Variants in NPAS2 observed in about 807,000 individuals in gnomAD.
The protein encoded by NPAS2 is neuronal PAS domain protein 2.
NPAS2 carries 23 observed loss-of-function variants against 107.5 expected under a neutral mutation model. The ratio of observed to expected loss-of-function variants is 0.21; its 90% confidence interval spans 0.15 to 0.30. NPAS2 has a LOEUF of 0.30. NPAS2 is among the 10% of genes least tolerant of loss of function. The pLI, the probability that NPAS2 is intolerant of heterozygous loss-of-function variation, is 1.00. For missense variants in NPAS2, 756 were observed against 1,043.3 expected, an observed-to-expected ratio of 0.72 and a Z score of 3.79; for synonymous variants, 403 against 417.5, an observed-to-expected ratio of 0.97 and a Z score of 0.42.
intron 5 of NPAS2, among the ~76,000 whole-genome samples, chr2:100,940,634 A>C (rs1221385319): frequency 1.3e-5 from 2 of 152,176 alleles, no homozygotes; most frequent in African/African-American, 4.8e-5. Flanking sequence ...CCTTATCCTT[A>C]TGGATCCTAT....
Position 100,976,198 on chromosome 2 carries a change from G to A in NPAS2, c.1392+631G>A, listed in dbSNP as rs563337044. Among the ~76,000 whole-genome samples, 3 of 151,888 alleles carry A rather than the reference G, an allele frequency of 2.0e-5. No individual in the cohort carries two copies. Among genetic ancestry groups the A allele is most frequent in the Non-Finnish European group, 2.9e-5 (2 of 67,998 alleles). On this transcript the variant is annotated intron_variant, in intron 14 of 20. Transcript: ENST00000335681. The surrounding 1 kb of genome is among the most constrained non-coding windows in gnomAD (Gnocchi z 4.1). The stretch of plus-strand genomic sequence containing the variant: ...TCTGCTCCTTGGTGTCGGGGATCTC[G>A]TGGGCCTAGGCTATGGAATGCACCC...
At chr2:100,951,683 G>A (rs1400208547) in intron 7 of NPAS2, among the ~76,000 whole-genome samples, 1 of 152,118 alleles carries the variant, frequency 6.6e-6, no homozygotes, top group Non-Finnish European at 1.5e-5. Flanking sequence ...GAGGGAGGGG[G>A]AAATGGGAGT....
At chr2:100,823,208 A>T (rs756993170) in intron 1 of NPAS2, among the ~76,000 whole-genome samples, 1 of 152,218 alleles carries the variant, frequency 6.6e-6, no homozygotes, top group African/African-American at 2.4e-5. Context: ...ATGATGATTA[A>T]TAGTATCTCA....
chr2:100,923,269 C>A (rs1159382688), intron 2 of NPAS2, among the ~76,000 whole-genome samples: 1 of 152,052 alleles, frequency 6.6e-6, no homozygotes, highest in Non-Finnish European at 1.5e-5. Context: ...CAGGAAAAGA[C>A]CCCTAGGTAA....
chr2:100,865,384 T>C (rs1679189021), intron 1 of NPAS2, among the ~76,000 whole-genome samples: 1 of 152,146 alleles, frequency 6.6e-6, no homozygotes, highest in African/African-American at 2.4e-5. Flanking sequence ...CCTGGACTCC[T>C]GTCTGCTTGT....
At chr2:100,927,797 TTAG>T (rs1332409849) in intron 3 of NPAS2, among the ~76,000 whole-genome samples, 5 of 152,206 alleles carry the variant, frequency 3.3e-5, no homozygotes, top group African/African-American at 9.6e-5. Flanking sequence ...CTTTTACCTG[TTAG>T]TGTGTGGTCA....
chr2:100,994,423 G>A (rs1678325323), intron 20 of NPAS2: 1 of 152,270 alleles, frequency 6.6e-6, no homozygotes, highest in African/African-American at 2.4e-5. Context: ...TGGCTTTGCA[G>A]ATCTTGTCAG....
In NPAS2 at chr2:100,937,839, A is replaced by G. The variant is rs748070919; in HGVS notation, c.360A>G (p.Leu120=). ...SDSITPLLGH[L]PSDVMDQNLL... is the part of the protein sequence containing the mutation. Reference sequence around the variant, plus strand: ...GTATCACGCCTCTCCTTGGGCATTTACCGGTGAGTTTCCACTCCAATGGCC... The same window carrying G: ...GTATCACGCCTCTCCTTGGGCATTTGCCGGTGAGTTTCCACTCCAATGGCC... Residue 120 remains leucine (L), a synonymous_variant, in exon 5 of 21, where the codon TTA becomes TTG. Transcript: ENST00000335681. The G allele has an allele frequency of 1.9e-6, 3 of 1,611,716 alleles. No individual in the cohort carries two copies. In the Admixed American group the frequency reaches 5.0e-5, roughly 27 times the overall value.
chr2:100,839,587 G>A (rs1450046264), intron 1 of NPAS2, among the ~76,000 whole-genome samples: 3 of 152,106 alleles, frequency 2.0e-5, no homozygotes. Context: ...TTAATTGACT[G>A]TTATCAGTAA....
chr2:100,987,804 G>T lies in NPAS2; in HGVS notation c.1630-275G>T, dbSNP rs1272388867. 3 of 488,762 alleles carry T rather than the reference G, an allele frequency of 6.1e-6. No individual in the cohort carries two copies. The South Asian group carries it at 8.3e-5, about 14-fold the overall frequency. 30.3% of individuals were successfully genotyped at this position (488,762 alleles called of 1,614,324 possible). A position where few individuals can be genotyped will look rare whatever the true frequency, so the allele number is the denominator to read the frequency against. ...ATCACATTATTTAGAGAACATCTGG[G>T]TCTAAACAGCTTTCACATTGTTAGG... On this transcript the variant is annotated intron_variant, in intron 16 of 20. Transcript: ENST00000335681.
intron 1 of NPAS2, among the ~76,000 whole-genome samples, chr2:100,838,309 C>T (rs1677188953): frequency 6.6e-6 from 1 of 151,572 alleles, no homozygotes; most frequent in Admixed American, 6.6e-5. Context: ...CAGAGTTTTG[C>T]TCTTGTTGCC....
chr2:100,863,729 A>C (rs1018988438), intron 1 of NPAS2, among the ~76,000 whole-genome samples: 4 of 152,168 alleles, frequency 2.6e-5, no homozygotes, highest in Non-Finnish European at 5.9e-5. Context: ...TTTTTTGTGC[A>C]AATATTTTAT....
intron 2 of NPAS2, among the ~76,000 whole-genome samples, chr2:100,913,162 T>C (rs980521779): frequency 3.3e-5 from 5 of 152,166 alleles, no homozygotes; most frequent in African/African-American, 1.2e-4. Flanking sequence ...CTCCTCACCA[T>C]AGAGACCCTC....
intron 7 of NPAS2, among the ~76,000 whole-genome samples, chr2:100,961,694 C>G (rs1675924368): frequency 1.3e-5 from 2 of 152,190 alleles, no homozygotes; most frequent in Non-Finnish European, 2.9e-5. Flanking sequence ...CTGCTGCCCT[C>G]GAAGAAGCAA....
rs545235258 is a variant in NPAS2 at position 100,920,479 on chromosome 2, C to T, written c.33-4667C>T. 9.2e-5 allele frequency among the ~76,000 whole-genome samples: 14 copies of T among 152,226 alleles called. No individual in the cohort carries two copies. In the East Asian group the frequency reaches 2.7e-3, roughly 30 times the overall value. On this transcript the variant is annotated intron_variant, in intron 2 of 20. Coordinates refer to ENST00000335681, the MANE Select transcript of NPAS2 (RefSeq NM_002518.4). ...CTTCCCTGGAGGTCTGTCTGTATTG[C>T]ATTTAATAACTGGATGTTTGAGTTC...
At chr2:100,966,291 G>T (rs931639753) in intron 10 of NPAS2, among the ~76,000 whole-genome samples, 1 of 152,052 alleles carries the variant, frequency 6.6e-6, no homozygotes, top group African/African-American at 2.4e-5. Context: ...ACAGCATACT[G>T]GGGGACTCAA....
intron 13 of NPAS2, 74 bp from the exon 14 acceptor site, chr2:100,975,384 T>C: frequency 2.2e-6 from 3 of 1,333,836 alleles, no homozygotes; most frequent in Non-Finnish European, 1.1e-6. Flanking sequence ...CACACCACGG[T>C]CATGGGTCCC....
intron 1 of NPAS2, among the ~76,000 whole-genome samples, chr2:100,848,925 G>A (rs994686207): frequency 7.9e-5 from 12 of 152,228 alleles, no homozygotes; most frequent in African/African-American, 1.9e-4. Context: ...AATCCCTGCC[G>A]TGGGGCGCAG....
chr2:100,822,477 C>G (rs559930092), intron 1 of NPAS2, among the ~76,000 whole-genome samples: 4 of 152,286 alleles, frequency 2.6e-5, no homozygotes, highest in African/African-American at 9.6e-5. Context: ...TGAATTCACC[C>G]TATTTTTTTG....
Sources: gnomAD v4.1 joint callset for allele counts (sites outside exome capture counted in the v4.1 genomes callset) on GRCh38, gnomAD v4.1.1 for gene constraint, Gnocchi (gnomAD v3.1) non-coding constraint, MANE v1.5 for transcripts, NCBI Gene and HGNC (gene_info 2026-07-23, HGNC 2026-07-21) for gene names.